The following HRH1 variants were observed in gnomAD, a reference collection of about 807,000 sequenced individuals.
HRH1 encodes the protein histamine receptor H1, also known as histamine H1 receptor.
HRH1 carries 6 observed loss-of-function variants against 10.3 expected under a neutral mutation model. The ratio of observed to expected loss-of-function variants is 0.58; its 90% confidence interval spans 0.32 to 1.15. The LOEUF (loss-of-function observed/expected upper bound fraction) is 1.15. Ranked by LOEUF, HRH1 falls within the 50% of genes most tolerant of loss-of-function variation. The probability of loss-of-function intolerance (pLI) is 0.05; values close to 1 mark genes in which losing one functional copy is unlikely to be tolerated. For missense variants in HRH1, 514 were observed against 615.3 expected (o/e 0.84, Z 1.74); for synonymous variants, 242 against 236.7 (o/e 1.02, Z -0.21).
Position 11,262,462 on chromosome 3 carries a change from T to C in HRH1, c.*1961T>C, listed in dbSNP as rs1939980455. The C allele has an allele frequency of 6.0e-6, 1 of 167,134 alleles. No individual in the cohort carries two copies. Among genetic ancestry groups the C allele is most frequent in the South Asian group, 2.1e-4 (1 of 4,836 alleles). 10.4% of individuals were successfully genotyped at this position (167,134 alleles called of 1,614,324 possible). A position where few individuals can be genotyped will look rare whatever the true frequency, so the allele number is the denominator to read the frequency against. On this transcript the variant is annotated 3_prime_UTR_variant, in exon 2 of 2. Coordinates refer to ENST00000431010, the MANE Select transcript of HRH1 (RefSeq NM_001098212.2). ...GATTTACTTTTTGTAAAAAGCTTCA[T>C]TCTCACTCTGCTTTGCATCCCCCAA... is the stretch of plus-strand genomic sequence containing the variant.
intron 1 of HRH1, among the ~76,000 whole-genome samples, chr3:11,232,347 A>G (rs373380340): frequency 1.7e-3 from 259 of 152,282 alleles, no homozygotes; most frequent in African/African-American, 6.0e-3. Context: ...ATGACGTCCA[A>G]TTGTGCCAGC....
rs748708797 is a variant in HRH1 at position 11,215,526 on chromosome 3, T to C, written c.-35-43477T>C. Among the ~76,000 whole-genome samples, 121 of 152,324 alleles carry C rather than the reference T, an allele frequency of 7.9e-4. 1 individual carries two copies. The highest frequency in any genetic ancestry group is 1.1e-3 in the Non-Finnish European group (72 of 68,030). On this transcript the variant is annotated intron_variant, in intron 1 of 1. Coordinates refer to ENST00000431010, the MANE Select transcript of HRH1 (RefSeq NM_001098212.2). The stretch of plus-strand genomic sequence containing the variant: ...CACGATCTCAGCTCACTGCAAGCTC[T>C]GCCTCCCAGGCTGACGCCATTCTCC...
At chr3:11,143,700 CT>C (rs1388368146) in intron 1 of HRH1, among the ~76,000 whole-genome samples, 6 of 152,236 alleles carry the variant, frequency 3.9e-5, no homozygotes, top group Admixed American at 3.3e-4. Flanking sequence ...ATGAGTCTGC[CT>C]GGTAGACTCA....
intron 1 of HRH1, among the ~76,000 whole-genome samples, chr3:11,156,619 T>C (rs989396488): frequency 6.6e-6 from 1 of 152,210 alleles, no homozygotes; most frequent in Admixed American, 6.5e-5. Flanking sequence ...TTGGTCAAGT[T>C]GCTACACGTC....
rs183228736 is a variant in HRH1 at position 11,244,375 on chromosome 3, A to C, written c.-35-14628A>C. ...TGTAGTTTCTATTCCAGGCAGCTGTATACTCAGCTGAGAAGCAGAGTTCTA... is the reference window on the plus strand; with the variant it reads ...TGTAGTTTCTATTCCAGGCAGCTGTCTACTCAGCTGAGAAGCAGAGTTCTA... On this transcript the variant is annotated intron_variant, in intron 1 of 1. Coordinates refer to ENST00000431010, the MANE Select transcript of HRH1 (RefSeq NM_001098212.2). Among the ~76,000 whole-genome samples the C allele has an allele frequency of 7.9e-5, 12 of 152,352 alleles. No individual in the cohort carries two copies. In the East Asian group the frequency reaches 2.1e-3, roughly 27 times the overall value.
chr3:11,219,957 T>G (rs936981948), intron 1 of HRH1, among the ~76,000 whole-genome samples: 6 of 150,680 alleles, frequency 4.0e-5, no homozygotes, highest in South Asian at 2.1e-4. Flanking sequence ...GTTGTTTTTT[T>G]TTTTTTTTTT....
chr3:11,164,113 C>G (rs936006753), intron 1 of HRH1, among the ~76,000 whole-genome samples: 1 of 152,178 alleles, frequency 6.6e-6, no homozygotes, highest in African/African-American at 2.4e-5. Context: ...CATAAGGGAT[C>G]AATGGGTAAA....
chr3:11,230,360 G>A (rs964615299), intron 1 of HRH1, among the ~76,000 whole-genome samples: 1 of 152,216 alleles, frequency 6.6e-6, no homozygotes, highest in Non-Finnish European at 1.5e-5. Flanking sequence ...TCCCAAACCT[G>A]GCTGGGCACC....
Position 11,262,993 on chromosome 3 carries a change from C to T in HRH1, c.*2492C>T, listed in dbSNP as rs201288275. 1.0e-4 allele frequency: 17 copies of T among 167,000 alleles called. No homozygotes were observed. Among genetic ancestry groups the T allele is most frequent in the African/African-American group, 3.4e-4 (14 of 41,426 alleles). The allele number at this position is 167,000 out of a possible 1,614,324, so 10.3% of individuals were successfully genotyped here. ...TATGTAATGTTGCCTTTACAACAAC[C>T]TCATGAGGGAGATTTCCATCTTTAC... is the stretch of plus-strand genomic sequence containing the variant. On this transcript the variant is annotated 3_prime_UTR_variant, in exon 2 of 2. Transcript: ENST00000431010.
intron 1 of HRH1, among the ~76,000 whole-genome samples, chr3:11,157,019 T>G (rs1936819570): frequency 6.6e-6 from 1 of 152,236 alleles, no homozygotes; most frequent in Admixed American, 6.5e-5. Flanking sequence ...CGCTGGCCAT[T>G]GCAACGAGTG....
chr3:11,258,627 A>C (rs1939848153), intron 1 of HRH1, among the ~76,000 whole-genome samples: 2 of 152,172 alleles, frequency 1.3e-5, no homozygotes, highest in South Asian at 4.1e-4. Flanking sequence ...CTGGATTGCT[A>C]TATTCTGCTT....
At chr3:11,174,219 T>G (rs1042788636) in intron 1 of HRH1, among the ~76,000 whole-genome samples, 2 of 152,226 alleles carry the variant, frequency 1.3e-5, no homozygotes, top group African/African-American at 4.8e-5. Context: ...ACTGTGAAGT[T>G]CTTTAGGGAA....
At chr3:11,149,955 C>G (rs1177174664), upstream of HRH1, among the ~76,000 whole-genome samples, 1 of 152,236 alleles carries the variant, frequency 6.6e-6, no homozygotes, top group East Asian at 1.9e-4. Flanking sequence ...CTAGCCTTCA[C>G]TCACTGCAGT....
At chr3:11,182,560 C>T (rs1314517975) in intron 1 of HRH1, among the ~76,000 whole-genome samples, 1 of 152,196 alleles carries the variant, frequency 6.6e-6, no homozygotes, top group Non-Finnish European at 1.5e-5. Flanking sequence ...AAATTACTTC[C>T]TGCTCAGGCC....
intron 1 of HRH1, among the ~76,000 whole-genome samples, chr3:11,206,881 C>T (rs1299922108): frequency 1.3e-5 from 2 of 152,128 alleles, no homozygotes; most frequent in Non-Finnish European, 2.9e-5. Flanking sequence ...AAGGGAAAGT[C>T]AATGACGGAA....
At chr3:11,249,300 G>C (rs904546753) in intron 1 of HRH1, among the ~76,000 whole-genome samples, 10 of 151,832 alleles carry the variant, frequency 6.6e-5, no homozygotes, top group African/African-American at 2.4e-4. Context: ...CTACTCGGGA[G>C]GCTGAAGCAG....
intron 1 of HRH1, among the ~76,000 whole-genome samples, chr3:11,140,044 G>A (rs756096428): frequency 2.0e-5 from 3 of 151,728 alleles, no homozygotes; most frequent in Non-Finnish European, 4.4e-5. Context: ...ATTCCTTCTG[G>A]GCAGGTGCAG....
intron 1 of HRH1, among the ~76,000 whole-genome samples, chr3:11,242,095 C>T (rs1939359539): frequency 6.6e-6 from 1 of 152,170 alleles, no homozygotes; most frequent in African/African-American, 2.4e-5. Context: ...AGGCAATCCG[C>T]TTGGGTCACC....
At chr3:11,232,048 A>G (rs963558038) in intron 1 of HRH1, among the ~76,000 whole-genome samples, 4 of 150,814 alleles carry the variant, frequency 2.7e-5, no homozygotes, top group African/African-American at 9.7e-5. Flanking sequence ...CTGGAGTGCA[A>G]TGGTGCAATC....
Sources: gnomAD v4.1 joint callset for allele counts (sites outside exome capture counted in the v4.1 genomes callset) on GRCh38, gnomAD v4.1.1 for gene constraint, MANE v1.5 for transcripts, NCBI Gene and HGNC (gene_info 2026-07-23, HGNC 2026-07-21) for gene names.